The following SNAPC4 variants were observed in gnomAD, a reference collection of about 807,000 sequenced individuals.
The protein encoded by SNAPC4 is snRNA-activating protein complex subunit 4.
SNAPC4 carries 127 observed loss-of-function variants against 151.3 expected under a neutral mutation model. The observed-to-expected ratio is 0.84, with a 90% CI of 0.73 to 0.97. The LOEUF (loss-of-function observed/expected upper bound fraction) is 0.97, where lower values mean the gene tolerates loss of function less well. Ranked by LOEUF, SNAPC4 falls within the 50% of genes least tolerant of loss-of-function variation. SNAPC4 has a pLI of 0.00. For missense variants in SNAPC4, 2,186 were observed against 1,935.0 expected (o/e 1.13, Z -2.43); for synonymous variants, 1,002 against 824.4 (o/e 1.22, Z -3.69).
Position 136,387,428 on chromosome 9 carries a change from T to C in SNAPC4, c.1325+57A>G, listed in dbSNP as rs538261605. 5.5e-5 allele frequency: 66 copies of C among 1,209,504 alleles called. 1 individual carries two copies. Among genetic ancestry groups the C allele is most frequent in the Non-Finnish European group, 6.1e-6 (5 of 815,630 alleles). 74.9% of individuals were successfully genotyped at this position (1,209,504 alleles called of 1,614,324 possible). A position where few individuals can be genotyped will look rare whatever the true frequency, so the allele number is the denominator to read the frequency against. ...AGCCCGCCCACAGCCCACACCAGAG[T>C]GCACCTGGTCAGTGACCCACACGGG... On this transcript the variant is annotated intron_variant, in intron 13 of 23. Transcript: ENST00000684778.
Position 136,395,738 on chromosome 9 carries a change from G to A in SNAPC4, c.210C>T (p.Asp70=), listed in dbSNP as rs367593654. 58 of 1,613,264 alleles carry A rather than the reference G, an allele frequency of 3.6e-5. No homozygotes were observed. The highest frequency in any genetic ancestry group is 2.4e-4 in the African/African-American group (18 of 75,058). Residue 70 remains aspartate, a synonymous_variant, in exon 4 of 24, where the codon GAC becomes GAT. Coordinates refer to ENST00000684778, the MANE Select transcript of SNAPC4 (RefSeq NM_003086.4). ...GGGTTTTATCCTTGGGATCGTCCTCGTCATTGCTGGCTTCGCCCCACCTTT... is the reference window on the plus strand; with the variant it reads ...GGGTTTTATCCTTGGGATCGTCCTCATCATTGCTGGCTTCGCCCCACCTTT... ...EEERWGEASN[D]EDDPKDKTLP...
intron 1 of SNAPC4, chr9:136,398,823 G>C (rs973003788): frequency 5.3e-6 from 1 of 187,100 alleles, no homozygotes; most frequent in South Asian, 1.0e-4. Context: ...AGTCACTACA[G>C]GGCAAGGACA....
At chr9:136,382,856 G>A (rs533099658) in intron 16 of SNAPC4, among the ~76,000 whole-genome samples, 2 of 152,194 alleles carry the variant, frequency 1.3e-5, no homozygotes, top group Non-Finnish European at 2.9e-5. Context: ...GGGCCTCCAG[G>A]TGCACAGGCT....
At chr9:136,389,608 GA>G (rs1194786466) in intron 10 of SNAPC4, among the ~76,000 whole-genome samples, 2 of 152,214 alleles carry the variant, frequency 1.3e-5, no homozygotes, top group African/African-American at 4.8e-5. Flanking sequence ...ACGCCCCCAA[GA>G]GAGTGCTTCT....
chr9:136,388,846 G>T (rs1238481846), intron 10 of SNAPC4, among the ~76,000 whole-genome samples: 1 of 152,160 alleles, frequency 6.6e-6, no homozygotes, highest in Non-Finnish European at 1.5e-5. Context: ...AAAATATTAA[G>T]AAAAATTCAC....
At chr9:136,380,639 CGGTGGAGCG>C in intron 20 of SNAPC4, 92 bp downstream of exon 20, 2 of 672,298 alleles carry the variant, frequency 3.0e-6, no homozygotes, top group Non-Finnish European at 5.4e-6. Flanking sequence ...TGAGGGGCTG[CGGTGGAGCG>C]GGTGGGGCGG....
chr9:136,391,260 G>C (rs776881198), intron 10 of SNAPC4, among the ~76,000 whole-genome samples: 3 of 152,136 alleles, frequency 2.0e-5, no homozygotes, highest in African/African-American at 4.8e-5. Flanking sequence ...ATAATCAGGT[G>C]CTCTGCCATA....
At chr9:136,399,282 G>A (rs1834373838) in intron 1 of SNAPC4, among the ~76,000 whole-genome samples, 1 of 152,158 alleles carries the variant, frequency 6.6e-6, no homozygotes, top group African/African-American at 2.4e-5. Context: ...CAAAACCAAA[G>A]CATCCACCCG....
chr9:136,377,627 ACT>A lies in SNAPC4; in HGVS notation c.4198_4199del (p.Ser1400Ter), dbSNP rs763422780. On this transcript the variant is annotated frameshift_variant, in exon 22 of 24. Transcript: ENST00000684778. LOFTEE classifies it high-confidence loss of function. Reference protein sequence around the residue: ...LSVPSRVGSESEDEDLLSELE... With the variant: ...LSVPSRVGSEXEDEDLLSELE... ...GCTCACTCAGGAGGTCTTCATCCTC[ACT>A]CTCAGAGCCCACCCTCGAAGGTACT... 2.5e-6 allele frequency: 4 copies of A among 1,573,548 alleles called. No homozygotes were observed. Among genetic ancestry groups the A allele is most frequent in the East Asian group, 2.3e-5 (1 of 44,290 alleles).
At position 136,377,595 on chromosome 9, in the gene SNAPC4, A is replaced by C; in HGVS notation, c.4232T>G (p.Leu1411Arg). The change falls in exon 22 of 24, where the codon CTT becomes CGT. Residue 1411 changes from leucine to arginine, a missense_variant. By Grantham distance (102) the Leu-to-Arg change is moderately radical (BLOSUM62 -2). Transcript: ENST00000684778. ...GCCCGGCTGCCCGTCCCTGTCTGCA[A>C]GTTCCAGCTCACTCAGGAGGTCTTC... is the stretch of plus-strand genomic sequence containing the variant. ...EDEDLLSELELADRDGQPGCT... is the reference protein window; with the variant it reads ...EDEDLLSELERADRDGQPGCT... 1.3e-6 allele frequency: 2 copies of C among 1,532,698 alleles called. No homozygotes were observed. Among genetic ancestry groups the C allele is most frequent in the Non-Finnish European group, 1.8e-6 (2 of 1,137,494 alleles). 94.9% of individuals were successfully genotyped at this position (1,532,698 alleles called of 1,614,324 possible).
At chr9:136,387,445 C>A in intron 13 of SNAPC4, 40 bp downstream of exon 13, 1 of 1,416,654 alleles carries the variant, frequency 7.1e-7, no homozygotes, top group Non-Finnish European at 1.0e-6. Flanking sequence ...GGTCAGTGAC[C>A]CACACGGGCC....
In SNAPC4 at chr9:136,380,864, G is replaced by C. The variant is rs564216756; in HGVS notation, c.2389-14C>G. ...GATGTGGAACAGCTGCGGGACACAG[G>C]AGGCAACCTAACCATAGCTGCTTTC... On this transcript the variant is annotated splice_polypyrimidine_tract_variant and intron_variant, in intron 19 of 23. Coordinates refer to ENST00000684778, the MANE Select transcript of SNAPC4 (RefSeq NM_003086.4). 2.0e-6 allele frequency: 3 copies of C among 1,490,898 alleles called. No homozygotes were observed. Among genetic ancestry groups the C allele is most frequent in the Non-Finnish European group, 2.8e-6 (3 of 1,068,146 alleles). 92.4% of individuals were successfully genotyped at this position (1,490,898 alleles called of 1,614,324 possible).
Position 136,394,832 on chromosome 9 carries a change from A to T in SNAPC4, c.518T>A (p.Ile173Asn), listed in dbSNP as rs757709115. The change falls in exon 6 of 24, where the codon ATC becomes AAC. Residue 173 changes from isoleucine to asparagine, a missense_variant. Coordinates refer to ENST00000684778, the MANE Select transcript of SNAPC4 (RefSeq NM_003086.4). Reference protein sequence around the residue: ...EDTREKAAQGIKAFEELLVTK... With the variant: ...EDTREKAAQGNKAFEELLVTK... ...CACAAGGAGCTCCTCGAAAGCCTTG[A>T]TCCCCTGGGCAGCCTTCTCTCGTGT... is the stretch of plus-strand genomic sequence containing the variant. 6.2e-7 allele frequency: 1 copy of T among 1,613,916 alleles called. No homozygotes were observed. Among genetic ancestry groups the T allele is most frequent in the Admixed American group, 1.7e-5 (1 of 60,020 alleles).
chr9:136,394,162 G>A, intron 7 of SNAPC4, 87 bp downstream of exon 7: 1 of 1,059,750 alleles, frequency 9.4e-7, no homozygotes, highest in African/African-American at 1.6e-5. Context: ...AGATCCTCCT[G>A]CCTTGGCCTC....
At position 136,398,326 on chromosome 9, in the gene SNAPC4, A is replaced by C; in HGVS notation, c.103T>G (p.Ser35Ala). ...SSGSHVEISESSLESDSEADS... is the reference protein window; with the variant it reads ...SSGSHVEISEASLESDSEADS... ...GCTTCAGAATCTGACTCGAGACTTG[A>C]TTCTGAGATCTCCACGTGGGAGCCC... Residue 35 changes from serine (S) to alanine (A), a missense_variant, in exon 2 of 24, where the codon TCA (serine) becomes GCA (alanine). Coordinates refer to ENST00000684778, the MANE Select transcript of SNAPC4 (RefSeq NM_003086.4). The C allele has an allele frequency of 6.2e-7, 1 of 1,612,144 alleles. No individual in the cohort carries two copies.
intron 20 of SNAPC4, 46 bp from the exon 21 acceptor site, chr9:136,379,910 TG>T: frequency 1.3e-6 from 2 of 1,587,642 alleles, no homozygotes; most frequent in Non-Finnish European, 1.7e-6. Flanking sequence ...TGTCCTCTGC[TG>T]GCTTGGACCA....
At chr9:136,394,351 C>T (rs1212522775) in intron 6 of SNAPC4, 21 bp from the exon 7 acceptor site, 2 of 1,600,962 alleles carry the variant, frequency 1.2e-6, no homozygotes, top group East Asian at 2.2e-5. Flanking sequence ...GCCACAGCAT[C>T]ATCACTGGGG....
intron 10 of SNAPC4, among the ~76,000 whole-genome samples, chr9:136,390,052 G>A (rs1261573849): frequency 6.6e-6 from 1 of 152,072 alleles, no homozygotes; most frequent in Non-Finnish European, 1.5e-5. Context: ...AGAAAAACCG[G>A]ACTTACAGTT....
chr9:136,390,821 G>T (rs867503453), intron 10 of SNAPC4, among the ~76,000 whole-genome samples: 1 of 151,546 alleles, frequency 6.6e-6, no homozygotes, highest in Non-Finnish European at 1.5e-5. Flanking sequence ...AAGAAAAACC[G>T]ATTTGTATTT....
Sources: allele counts gnomAD v4.1 joint callset (sites outside exome capture counted in the v4.1 genomes callset), GRCh38; gene constraint gnomAD v4.1.1; transcripts MANE v1.5; gene names NCBI Gene and HGNC (gene_info 2026-07-23, HGNC 2026-07-21).